GPC3: variants seen among roughly 807,000 people sequenced by gnomAD.
GPC3 encodes the protein glypican-3.
In GPC3, 3 loss-of-function variants were observed where a neutral mutation model predicts 34.4. The observed-to-expected ratio is 0.09, with a 90% confidence interval of 0.04 to 0.23. The LOEUF (loss-of-function observed/expected upper bound fraction) is 0.23, where lower values mean the gene tolerates loss of function less well. Ranked by LOEUF, GPC3 falls within the 10% of genes least tolerant of loss-of-function variation. The pLI, the probability that GPC3 is intolerant of heterozygous loss-of-function variation, is 1.00. For synonymous variants in GPC3, 177 were observed against 174.0 expected (o/e 1.02, Z -0.13); for missense variants, 351 against 445.6 (o/e 0.79, Z 1.91).
intron 7 of GPC3, among the ~76,000 whole-genome samples, chrX:133,594,651 G>A (rs1399473989): frequency 9.0e-6 from 1 of 111,184 alleles, no homozygotes; most frequent in Non-Finnish European, 1.9e-5. Context: ...CATCATATAT[G>A]AGGTGTCTAA....
At chrX:133,793,070 A>G (rs367806416) in intron 2 of GPC3, among the ~76,000 whole-genome samples, 1 of 110,760 alleles carries the variant, frequency 9.0e-6, no homozygotes, top group East Asian at 2.8e-4. Flanking sequence ...ACACCAAAAA[A>G]TAGAAATAAA....
intron 2 of GPC3, among the ~76,000 whole-genome samples, chrX:133,799,173 C>T (rs1036033925): frequency 3.6e-5 from 4 of 111,710 alleles, no homozygotes; most frequent in African/African-American, 6.5e-5. Context: ...AGCAGGATCA[C>T]TTGAGGCCAC....
chrX:133,792,857 C>T (rs187142766), intron 2 of GPC3, among the ~76,000 whole-genome samples: 1 of 111,389 alleles, frequency 9.0e-6, no homozygotes, highest in Non-Finnish European at 1.9e-5. Flanking sequence ...TTGCCAGAGC[C>T]AAGACGGACT....
chrX:133,565,319 G>A (rs1390768285), intron 7 of GPC3, among the ~76,000 whole-genome samples: 1 of 111,662 alleles, frequency 9.0e-6, no homozygotes, highest in Non-Finnish European at 1.9e-5. Flanking sequence ...CATACCTTGG[G>A]AGCAGTTGTC....
At chrX:133,944,968 C>T (rs921013092) in intron 2 of GPC3, among the ~76,000 whole-genome samples, 4 of 111,625 alleles carry the variant, frequency 3.6e-5, no homozygotes, top group African/African-American at 9.8e-5. Context: ...TGAAGCCAGA[C>T]CACATAGCCA....
chrX:133,728,200 C>T (rs913954154), intron 3 of GPC3, among the ~76,000 whole-genome samples: 20 of 112,063 alleles, frequency 1.8e-4, no homozygotes, highest in African/African-American at 6.5e-4. Context: ...CAGTGGCCTA[C>T]GTGTCAATGA....
chrX:133,912,543 T>C (rs867372699), intron 2 of GPC3, among the ~76,000 whole-genome samples: 2 of 74,517 alleles, frequency 2.7e-5, no homozygotes, highest in Non-Finnish European at 5.3e-5. Flanking sequence ...GGAAGGGGGG[T>C]GCGTGTTATT....
At chrX:133,835,695 T>C (rs1459321472) in intron 2 of GPC3, among the ~76,000 whole-genome samples, 1 of 112,450 alleles carries the variant, frequency 8.9e-6, no homozygotes, top group African/African-American at 3.2e-5. Context: ...CCAATTTTAT[T>C]ACACACACAA....
chrX:133,788,089 TA>T (rs1396325598), intron 2 of GPC3, among the ~76,000 whole-genome samples: 215 of 3,824 alleles, frequency 0.056, 1 homozygote, highest in Non-Finnish European at 0.09. Flanking sequence ...CATATTATTT[TA>T]TATATATATA....
intron 2 of GPC3, among the ~76,000 whole-genome samples, chrX:133,801,983 G>GA (rs1049288495): frequency 1.8e-5 from 2 of 111,466 alleles, no homozygotes; most frequent in Non-Finnish European, 3.8e-5. Flanking sequence ...GCCTGGGGAA[G>GA]AAAAAAACAA....
rs757428400 is a variant in GPC3, at chrX:133,705,912, G to A, written c.1033-5884C>T. On this transcript the variant is annotated intron_variant, in intron 3 of 7. Coordinates refer to ENST00000370818, the MANE Select transcript of GPC3 (RefSeq NM_004484.4). ...AGTAAGAGTGAATTAGTAACCATAC[G>A]AAAGCACTGCATGTCAAATTCTATG... 1.4e-4 allele frequency among the ~76,000 whole-genome samples: 16 copies of A among 112,293 alleles called. No individual in the cohort carries two copies. In the East Asian group the frequency reaches 3.6e-3, roughly 26 times the overall value.
At chrX:133,891,799 C>CAAAA (rs780717414) in intron 2 of GPC3, among the ~76,000 whole-genome samples, 1 of 42,197 alleles carries the variant, frequency 2.4e-5, no homozygotes, top group Admixed American at 3.3e-4. Context: ...GACCTTGTCT[C>CAAAA]AAAAAAAAAA....
chrX:133,961,567 G>A (rs1286964330), intron 1 of GPC3, among the ~76,000 whole-genome samples: 2 of 111,592 alleles, frequency 1.8e-5, no homozygotes, highest in African/African-American at 6.5e-5. Context: ...CCTTGCCAAA[G>A]TGGTGAACAA....
chrX:133,957,858 T>A (rs1032088345), intron 1 of GPC3, among the ~76,000 whole-genome samples: 2 of 110,554 alleles, frequency 1.8e-5, no homozygotes, highest in Non-Finnish European at 3.8e-5. Flanking sequence ...TTTTTTTTTG[T>A]AAAAATGGAA....
rs1322088319 is a variant in GPC3 at position 133,894,806 on chromosome X, C to T, written c.337+58244G>A. Among the ~76,000 whole-genome samples the T allele has an allele frequency of 2.7e-5, 3 of 111,954 alleles. No homozygotes were observed. The East Asian group carries it at 8.4e-4, about 31-fold the overall frequency. ...AGTGAACTGAGATCGTGCCACAGCACTCCAGCCTGGGCCACAGAGCAAGAC... is the reference window on the plus strand; with the variant it reads ...AGTGAACTGAGATCGTGCCACAGCATTCCAGCCTGGGCCACAGAGCAAGAC... On this transcript the variant is annotated intron_variant, in intron 2 of 7. Coordinates refer to ENST00000370818, the MANE Select transcript of GPC3 (RefSeq NM_004484.4).
intron 2 of GPC3, among the ~76,000 whole-genome samples, chrX:133,943,068 C>A (rs983081752): frequency 9.0e-6 from 1 of 111,684 alleles, no homozygotes; most frequent in Admixed American, 9.5e-5. Flanking sequence ...AAAGGAAGAA[C>A]AACTATAAAC....
intron 6 of GPC3, among the ~76,000 whole-genome samples, chrX:133,659,903 CAGTA>C (rs1176919490): frequency 2.7e-5 from 3 of 111,872 alleles, no homozygotes; most frequent in Non-Finnish European, 5.6e-5. Context: ...CTCAACTCAG[CAGTA>C]AGTGTTTTAC....
At chrX:133,585,598 C>T (rs150327256) in intron 7 of GPC3, among the ~76,000 whole-genome samples, 2,755 of 111,543 alleles carry the variant, frequency 0.025, 40 homozygotes, top group Middle Eastern at 0.041. Context: ...CTTTTGCTGG[C>T]ATGTAAGTCT....
At chrX:133,892,852 T>C (rs751540643) in intron 2 of GPC3, among the ~76,000 whole-genome samples, 1 of 111,611 alleles carries the variant, frequency 9.0e-6, no homozygotes, top group Non-Finnish European at 1.9e-5. Flanking sequence ...GCCACAATCA[T>C]AAGACACTAA....
Sources: allele counts gnomAD v4.1 joint callset (sites outside exome capture counted in the v4.1 genomes callset), GRCh38; gene constraint gnomAD v4.1.1; transcripts MANE v1.5; gene names NCBI Gene and HGNC (gene_info 2026-07-23, HGNC 2026-07-21).